The following ANKRD36 variants were observed in gnomAD, a reference collection of about 807,000 sequenced individuals.
ANKRD36 encodes the protein ankyrin repeat domain 36.
In ANKRD36, 179 loss-of-function variants were observed where a neutral mutation model predicts 278.1. That is an observed-to-expected ratio of 0.64 (90% CI 0.57 to 0.73). ANKRD36 has a LOEUF of 0.73. Ranked by LOEUF, ANKRD36 falls within the 30% of genes least tolerant of loss-of-function variation. The pLI, the probability that ANKRD36 is intolerant of heterozygous loss-of-function variation, is 0.00. For synonymous variants in ANKRD36, 320 were observed against 641.1 expected (o/e 0.50, Z 7.57); for missense variants, 1,159 against 1,956.7 (o/e 0.59, Z 7.69).
intron 15 of ANKRD36, among the ~76,000 whole-genome samples, chr2:97,157,028 A>G (rs1002644248): frequency 5.3e-5 from 8 of 151,718 alleles, no homozygotes; most frequent in African/African-American, 1.9e-4. Context: ...TTCTTTTGAG[A>G]AGTGTCTGTT....
intron 67 of ANKRD36, among the ~76,000 whole-genome samples, chr2:97,226,437 C>G (rs1435141783): frequency 6.7e-6 from 1 of 149,840 alleles, no homozygotes; most frequent in African/African-American, 2.5e-5. Context: ...TGAGAAGTGT[C>G]TGTTCATGTC....
intron 11 of ANKRD36, among the ~76,000 whole-genome samples, chr2:97,148,569 G>T (rs2044972399): frequency 6.6e-6 from 1 of 152,310 alleles, no homozygotes; most frequent in Admixed American, 6.5e-5. Flanking sequence ...GCTGGTTTTT[G>T]TGGATCTGAA....
intron 28 of ANKRD36, among the ~76,000 whole-genome samples, chr2:97,185,044 A>G (rs2057100143): frequency 6.6e-6 from 1 of 151,292 alleles, no homozygotes; most frequent in African/African-American, 2.4e-5. Flanking sequence ...CTCATCATTC[A>G]GCATATTCAC....
chr2:97,195,331 G>T (rs1575641937), intron 40 of ANKRD36, among the ~76,000 whole-genome samples: 1 of 151,938 alleles, frequency 6.6e-6, no homozygotes, highest in Admixed American at 6.6e-5. Context: ...AAGGAGAACT[G>T]AGGAGACCCC....
intron 36 of ANKRD36, 51 bp from the exon 37 acceptor site, chr2:97,192,807 A>T: frequency 6.4e-7 from 1 of 1,561,698 alleles, no homozygotes; most frequent in Non-Finnish European, 8.8e-7. Flanking sequence ...ATGTATGGAT[A>T]ACTTTGTCAT....
intron 1 of ANKRD36, among the ~76,000 whole-genome samples, chr2:97,114,232 C>G: frequency 1.0e-5 from 1 of 98,976 alleles, no homozygotes; most frequent in Non-Finnish European, 2.0e-5. Flanking sequence ...GGGGCGTGGA[C>G]GGTGTGGGGT....
intron 16 of ANKRD36, 52 bp downstream of exon 16, chr2:97,158,219 C>G (rs878882891): frequency 1.6e-6 from 2 of 1,264,858 alleles, no homozygotes; most frequent in Non-Finnish European, 2.1e-6. Context: ...CTTTTTTTTT[C>G]TTTCTTTTTC....
chr2:97,149,630 G>A (rs1308180338), intron 12 of ANKRD36, among the ~76,000 whole-genome samples: 1 of 152,110 alleles, frequency 6.6e-6, no homozygotes, highest in South Asian at 2.1e-4. Flanking sequence ...TGATGTTCGG[G>A]AATGCTTTCC....
At position 97,141,246 on chromosome 2, in the gene ANKRD36, C is replaced by CAT. The variant is rs763636341; in HGVS notation, c.800-1383_800-1382dup. On this transcript the variant is annotated intron_variant, in intron 6 of 75. Transcript: ENST00000420699. ...ATCATGACATATATATATATATTTA[C>CAT]ATATATATATATTTGGTTGGTTATT... Among the ~76,000 whole-genome samples, 11 of 147,226 alleles carry CAT rather than the reference C, an allele frequency of 7.5e-5. No homozygotes were observed. In the East Asian group the frequency reaches 7.9e-4, roughly 11 times the overall value.
chr2:97,159,523 G>A (rs941799916), intron 17 of ANKRD36, among the ~76,000 whole-genome samples: 3 of 151,470 alleles, frequency 2.0e-5, no homozygotes, highest in African/African-American at 7.3e-5. Context: ...TGAATGCTGT[G>A]TTCATAGATA....
At position 97,209,763 on chromosome 2, in the gene ANKRD36, A is replaced by T. The variant is rs775684472; in HGVS notation, c.3295-37A>T. 2.0e-6 allele frequency: 3 copies of T among 1,538,052 alleles called. No individual in the cohort carries two copies. The South Asian group carries it at 3.4e-5, about 18-fold the overall frequency. On this transcript the variant is annotated intron_variant, in intron 55 of 75. Coordinates refer to ENST00000420699, the MANE Select transcript of ANKRD36 (RefSeq NM_001354587.1). Reference sequence around the variant, plus strand: ...CTAGTAAACGTATAGCCTATGAAAGATACCTTACTTATTATTTCATTTCAA... The same window carrying T: ...CTAGTAAACGTATAGCCTATGAAAGTTACCTTACTTATTATTTCATTTCAA...
rs1433850043 is a variant in ANKRD36, at chr2:97,226,195, G to A, written c.3951+1316G>A. ...TCTAGTTCTAGATCCCTGAGGAATC[G>A]CCACACTGACTTCCACAATGGTTGA... On this transcript the variant is annotated intron_variant, in intron 67 of 75. Transcript: ENST00000420699. Among the ~76,000 whole-genome samples, 14 of 151,408 alleles carry A rather than the reference G, an allele frequency of 9.2e-5. 1 individual carries two copies. The highest frequency in any genetic ancestry group is 2.4e-4 in the African/African-American group (10 of 41,388).
At chr2:97,122,773 A>C (rs1410077619) in intron 3 of ANKRD36, 114 bp from the exon 4 acceptor site, 1 of 987,186 alleles carries the variant, frequency 1.0e-6, no homozygotes, top group Admixed American at 3.1e-5. Flanking sequence ...ACTACCTCTT[A>C]TGACCTTTCA....
At chr2:97,138,781 A>T (rs1430341732) in intron 6 of ANKRD36, among the ~76,000 whole-genome samples, 1 of 151,912 alleles carries the variant, frequency 6.6e-6, no homozygotes, top group Non-Finnish European at 1.5e-5. Flanking sequence ...AAATAATGCC[A>T]TACATCTACA....
rs1371917284 is a variant in ANKRD36, at chr2:97,209,881, G to A, written c.3367+9G>A. 1 of 1,570,008 alleles carries A rather than the reference G, an allele frequency of 6.4e-7. No homozygotes were observed. Among genetic ancestry groups the A allele is most frequent in the Non-Finnish European group, 8.6e-7 (1 of 1,161,260 alleles). ...AGAAAAATCTAGGACAGGTAATTTT[G>A]AAAACAGATTTAATGTCATGTTCAG... On this transcript the variant is annotated intron_variant, in intron 56 of 75. Coordinates refer to ENST00000420699, the MANE Select transcript of ANKRD36 (RefSeq NM_001354587.1).
At position 97,113,948 on chromosome 2, in the gene ANKRD36, C is replaced by A. The variant is rs746844864; in HGVS notation, c.197+12C>A. On this transcript the variant is annotated intron_variant, in intron 1 of 75. Coordinates refer to ENST00000420699, the MANE Select transcript of ANKRD36 (RefSeq NM_001354587.1). ...GACAGGAAGGAAAGGTAATGGGGGC[C>A]GGGAGCCGGGGCTGCGGGAGGAGGC... The A allele has an allele frequency of 3.2e-6, 5 of 1,572,286 alleles. No homozygotes were observed. The Admixed American group carries it at 8.8e-5, about 28-fold the overall frequency.
intron 72 of ANKRD36, chr2:97,247,873 TA>T (rs1408015953): frequency 6.8e-5 from 8 of 118,322 alleles, no homozygotes; most frequent in South Asian, 7.4e-4. Flanking sequence ...TTTATACATA[TA>T]TTTTTTTCTT....
At chr2:97,215,561 A>G in intron 62 of ANKRD36, 64 bp downstream of exon 62, 1 of 1,596,626 alleles carries the variant, frequency 6.3e-7, no homozygotes, top group Non-Finnish European at 8.5e-7. Flanking sequence ...ACTTCCCTAA[A>G]TAAATCAGCG....
rs577550404 is a variant in ANKRD36, at chr2:97,196,428, T to C, written c.2552-165T>C. Among the ~76,000 whole-genome samples, 45 of 152,066 alleles carry C rather than the reference T, an allele frequency of 3.0e-4. 1 individual carries two copies. The East Asian group carries it at 3.5e-3, about 12-fold the overall frequency. ...TCATGGAGCCTGTATTCCCTTTTCT[T>C]AGTGTATTTCTGTCATGTTCTAGTC... On this transcript the variant is annotated intron_variant, in intron 40 of 75. Transcript: ENST00000420699.
Sources: gnomAD v4.1 joint callset for allele counts (sites outside exome capture counted in the v4.1 genomes callset) on GRCh38, gnomAD v4.1.1 for gene constraint, MANE v1.5 for transcripts, NCBI Gene and HGNC (gene_info 2026-07-23, HGNC 2026-07-21) for gene names.